RAPGEF4: variants seen among roughly 807,000 people sequenced by gnomAD.
The protein encoded by RAPGEF4 is Rap guanine nucleotide exchange factor 4, also known as RAP guanine-nucleotide-exchange factor (GEF) 4.
Under a neutral mutation model 147.9 loss-of-function variants are expected in RAPGEF4, and 66 were observed. The ratio of observed to expected loss-of-function variants is 0.45; its 90% CI spans 0.37 to 0.55. The LOEUF is 0.55. RAPGEF4 is among the 20% of genes least tolerant of loss of function. The pLI is 0.00. For missense variants in RAPGEF4, 1,071 were observed against 1,257.3 expected, an observed-to-expected ratio of 0.85 and a Z score of 2.24; for synonymous variants, 419 against 442.7, an observed-to-expected ratio of 0.95 and a Z score of 0.67.
At chr2:173,044,516 C>T (rs1231435645) in intron 29 of RAPGEF4, among the ~76,000 whole-genome samples, 1 of 152,174 alleles carries the variant, frequency 6.6e-6, no homozygotes, top group African/African-American at 2.4e-5. Context: ...CTTCACTCAC[C>T]ACATCATTTT....
intron 6 of RAPGEF4, among the ~76,000 whole-genome samples, chr2:172,950,390 A>G (rs1688096878): frequency 6.6e-6 from 1 of 152,224 alleles, no homozygotes; most frequent in Non-Finnish European, 1.5e-5. Context: ...CATTCAGCAA[A>G]TACTGAAATC....
intron 1 of RAPGEF4, among the ~76,000 whole-genome samples, chr2:172,790,919 C>A (rs1450435955): frequency 6.6e-6 from 1 of 152,096 alleles, no homozygotes; most frequent in Non-Finnish European, 1.5e-5. Flanking sequence ...CTGGGTAATT[C>A]AAAAAGAACA....
At chr2:172,778,850 A>G (rs1489457293) in intron 1 of RAPGEF4, among the ~76,000 whole-genome samples, 2 of 152,188 alleles carry the variant, frequency 1.3e-5, no homozygotes, top group Admixed American at 6.5e-5. Context: ...GTGTATAAAT[A>G]AGCTGTTATT....
chr2:172,761,630 G>C (rs1300586391), intron 1 of RAPGEF4, among the ~76,000 whole-genome samples: 1 of 152,072 alleles, frequency 6.6e-6, no homozygotes, highest in Non-Finnish European at 1.5e-5. Flanking sequence ...AAACAGAAAG[G>C]AAATGAGAAA....
chr2:173,005,877 C>T (rs921278560), intron 17 of RAPGEF4, among the ~76,000 whole-genome samples: 9 of 152,174 alleles, frequency 5.9e-5, no homozygotes, highest in Middle Eastern at 6.8e-3. Flanking sequence ...AATAACTGCC[C>T]GAGATCCTGC....
At chr2:172,944,523 TTC>T (rs1223599614) in intron 6 of RAPGEF4, among the ~76,000 whole-genome samples, 1 of 152,138 alleles carries the variant, frequency 6.6e-6, no homozygotes, top group East Asian at 1.9e-4. Flanking sequence ...CTTCGGCTGT[TTC>T]TGTTTCATGG....
chr2:172,918,172 T>G, intron 5 of RAPGEF4: 1 of 491,722 alleles, frequency 2.0e-6, no homozygotes, highest in Admixed American at 2.9e-5. Context: ...GTTCTTTCTG[T>G]GCCCTTTTAA....
At chr2:172,845,112 C>G (rs1279405969) in intron 4 of RAPGEF4, among the ~76,000 whole-genome samples, 1 of 152,174 alleles carries the variant, frequency 6.6e-6, no homozygotes, top group African/African-American at 2.4e-5. Context: ...GGAAGTGTCA[C>G]TGACTGTAGT....
chr2:172,967,966 G>A (rs192689971), intron 10 of RAPGEF4, among the ~76,000 whole-genome samples: 1 of 152,264 alleles, frequency 6.6e-6, no homozygotes, highest in East Asian at 1.9e-4. Flanking sequence ...CCCCCATTGA[G>A]CCACTGAGGC....
chr2:172,788,727 A>C (rs2149528900), intron 1 of RAPGEF4, among the ~76,000 whole-genome samples: 1 of 152,042 alleles, frequency 6.6e-6, no homozygotes, highest in East Asian at 1.9e-4. Context: ...TCTACAAAAA[A>C]AATAAAAAAT....
chr2:172,736,662 A>C (rs1431515565), intron 1 of RAPGEF4, among the ~76,000 whole-genome samples: 3 of 152,204 alleles, frequency 2.0e-5, no homozygotes, highest in Non-Finnish European at 4.4e-5. Flanking sequence ...AAAAATAATT[A>C]AAACCATAAA....
intron 6 of RAPGEF4, among the ~76,000 whole-genome samples, chr2:172,925,471 A>G (rs1685190633): frequency 6.6e-6 from 1 of 152,176 alleles, no homozygotes; most frequent in Non-Finnish European, 1.5e-5. Context: ...ATTTATTATA[A>G]TTGATGGAGA....
chr2:172,794,507 A>G (rs1413574339), intron 1 of RAPGEF4, among the ~76,000 whole-genome samples: 2 of 152,200 alleles, frequency 1.3e-5, no homozygotes, highest in Non-Finnish European at 2.9e-5. Context: ...CCCTGCGGAC[A>G]GTCCCGTTTG....
chr2:172,798,670 T>A (rs1428480430), intron 3 of RAPGEF4, among the ~76,000 whole-genome samples: 2 of 151,932 alleles, frequency 1.3e-5, no homozygotes, highest in African/African-American at 4.9e-5. Flanking sequence ...ACTTCAAATG[T>A]GAGAAACATT....
intron 4 of RAPGEF4, among the ~76,000 whole-genome samples, chr2:172,898,236 C>A (rs952082242): frequency 4.6e-5 from 7 of 152,088 alleles, no homozygotes; most frequent in Non-Finnish European, 1.0e-4. Context: ...TGGTAGATAT[C>A]CACATGATAT....
At chr2:172,793,584 T>C (rs28735753) in intron 1 of RAPGEF4, among the ~76,000 whole-genome samples, 30,706 of 152,158 alleles carry the variant, frequency 0.2, 3,310 homozygotes, top group East Asian at 0.22. Context: ...CAGAATGCTC[T>C]GGGGAATACA....
At chr2:172,988,034 G>A (rs2105712580) in intron 12 of RAPGEF4, among the ~76,000 whole-genome samples, 162 bp from the exon 13 acceptor site, 1 of 152,322 alleles carries the variant, frequency 6.6e-6, no homozygotes, top group Non-Finnish European at 1.5e-5. Context: ...TATAGAAAAG[G>A]AGATAATGTG....
rs180902331 is a variant in RAPGEF4, at chr2:173,026,982, A to G, written c.2380-99A>G. On this transcript the variant is annotated intron_variant, in intron 24 of 30. Transcript: ENST00000397081. ...GCCCTTCAAGTCTGATTGACTTCAC[A>G]TTTGCTGACCAGTAAAACACTGTCT... 3.5e-3 allele frequency: 3,884 copies of G among 1,115,942 alleles called. 18 individuals carry two copies. The highest frequency in any genetic ancestry group is 4.0e-3 in the Non-Finnish European group (3,237 of 803,138). 69.1% of individuals were successfully genotyped at this position (1,115,942 alleles called of 1,614,324 possible).
In RAPGEF4 at chr2:172,784,598, C is replaced by A. The variant is rs112286318; in HGVS notation, c.66-10427C>A. ...GATTGAGTGCATTTTCAACACCTTTCTGAATTTTGTTGACATTGTTGGAAA... is the reference window on the plus strand; with the variant it reads ...GATTGAGTGCATTTTCAACACCTTTATGAATTTTGTTGACATTGTTGGAAA... On this transcript the variant is annotated intron_variant, in intron 1 of 30. Coordinates refer to ENST00000397081, the MANE Select transcript of RAPGEF4 (RefSeq NM_007023.4). Among the ~76,000 whole-genome samples, 408 of 151,478 alleles carry A rather than the reference C, an allele frequency of 2.7e-3. 1 individual carries two copies. The highest frequency in any genetic ancestry group is 9.0e-3 in the African/African-American group (373 of 41,318).
Sources: allele counts gnomAD v4.1 joint callset (sites outside exome capture counted in the v4.1 genomes callset), GRCh38; gene constraint gnomAD v4.1.1; transcripts MANE v1.5; gene names NCBI Gene and HGNC (gene_info 2026-07-23, HGNC 2026-07-21).